RNF115: variants seen among roughly 807,000 people sequenced by gnomAD.
RNF115 encodes the protein ring finger protein 115.
RNF115 carries 31 observed loss-of-function variants against 39.2 expected under a neutral mutation model. That is an observed-to-expected ratio of 0.79 (90% CI 0.59 to 1.07). The LOEUF is 1.07. RNF115 is among the 50% of genes least tolerant of loss of function. The pLI is 0.00. For missense variants in RNF115, 384 were observed against 381.7 expected (o/e 1.01, Z -0.05); for synonymous variants, 124 against 131.0 (o/e 0.95, Z 0.37).
chr1:145,793,288 G>A (rs1012613419), intron 1 of RNF115, among the ~76,000 whole-genome samples: 32 of 152,356 alleles, frequency 2.1e-4, no homozygotes, highest in African/African-American at 7.2e-4. Flanking sequence ...CTGCACTGCA[G>A]TCTGGGTAAC....
chr1:145,797,314 G>A (rs115556741), intron 1 of RNF115, among the ~76,000 whole-genome samples: 2,938 of 152,246 alleles, frequency 0.019, 42 homozygotes, highest in Middle Eastern at 0.031. Context: ...AAAACTCATC[G>A]TCTCAGCAAC....
chr1:145,801,096 AAG>A (rs1649224171), intron 1 of RNF115, among the ~76,000 whole-genome samples: 3 of 152,106 alleles, frequency 2.0e-5, no homozygotes, highest in Non-Finnish European at 4.4e-5. Context: ...GCATGAACCC[AAG>A]AGGCAGGGCT....
intron 2 of RNF115, among the ~76,000 whole-genome samples, chr1:145,788,547 G>A (rs1648494250): frequency 6.6e-6 from 1 of 152,130 alleles, no homozygotes; most frequent in African/African-American, 2.4e-5. Context: ...CAGCAGAGTG[G>A]TCACTAAAAA....
At position 145,778,410 on chromosome 1, in the gene RNF115, T is replaced by C. The variant is rs367994366; in HGVS notation, c.219+6129A>G. On this transcript the variant is annotated intron_variant, in intron 3 of 8. Coordinates refer to ENST00000582693, the MANE Select transcript of RNF115 (RefSeq NM_014455.4). ...TGAAAAAGTTCTAAATCAGTGGTAA[T>C]AGTTGTATAACTCTGTGAATATACT... Among the ~76,000 whole-genome samples the C allele has an allele frequency of 1.2e-4, 18 of 152,284 alleles. No homozygotes were observed. In the East Asian group the frequency reaches 2.5e-3, roughly 21 times the overall value.
At chr1:145,789,700 CTT>C (rs67276251) in intron 1 of RNF115, among the ~76,000 whole-genome samples, 3 of 86,738 alleles carry the variant, frequency 3.5e-5, no homozygotes, top group African/African-American at 5.0e-5. Context: ...ACCCGGACTT[CTT>C]TTTTTTTTTT....
At chr1:145,800,816 T>G (rs1488771337) in intron 1 of RNF115, among the ~76,000 whole-genome samples, 1 of 152,170 alleles carries the variant, frequency 6.6e-6, no homozygotes, top group African/African-American at 2.4e-5. Flanking sequence ...ATTAAGCCAC[T>G]ACATTTTGGA....
At chr1:145,817,518 A>C (rs1344900753) in intron 1 of RNF115, among the ~76,000 whole-genome samples, 7 of 141,006 alleles carry the variant, frequency 5.0e-5, no homozygotes, top group African/African-American at 1.7e-4. Context: ...ATCTGATTTT[A>C]ACTGGGGTAT....
intron 6 of RNF115, among the ~76,000 whole-genome samples, chr1:145,751,185 T>C (rs1658073449): frequency 6.6e-6 from 1 of 152,186 alleles, no homozygotes; most frequent in South Asian, 2.1e-4. Context: ...TACAAAATAC[T>C]ATTTGTTATA....
At chr1:145,758,905 A>T (rs1553713543) in intron 4 of RNF115, among the ~76,000 whole-genome samples, 1 of 152,228 alleles carries the variant, frequency 6.6e-6, no homozygotes, top group African/African-American at 2.4e-5. Context: ...ATTAAAAAAA[A>T]ATCTTTTCTT....
chr1:145,794,784 G>A (rs1381867049), intron 1 of RNF115, among the ~76,000 whole-genome samples: 3 of 151,784 alleles, frequency 2.0e-5, no homozygotes, highest in African/African-American at 7.3e-5. Flanking sequence ...TTGGGAGGCC[G>A]AGGAGGGTGG....
intron 7 of RNF115, 152 bp downstream of exon 7, chr1:145,750,255 A>T: frequency 1.6e-6 from 1 of 637,588 alleles, no homozygotes; most frequent in East Asian, 2.8e-5. Flanking sequence ...GCTTCACTTA[A>T]AGGTCCTTAA....
Position 145,771,845 on chromosome 1 carries a change from T to C in RNF115, c.294A>G (p.Gln98=). 6.2e-7 allele frequency: 1 copy of C among 1,614,160 alleles called. No homozygotes were observed. The highest frequency in any genetic ancestry group is 1.1e-5 in the South Asian group (1 of 91,082). The change falls in exon 4 of 9, where the codon CAA becomes CAG. Residue 98 remains glutamine (Q), a synonymous_variant. Transcript: ENST00000582693. The stretch of plus-strand genomic sequence containing the variant: ...GACCCCTTTCATTGGCTCTATTATC[T>C]TGGTCCAGTGGACTGCTACTTAGAA... The part of the protein sequence containing the change: ...RPFLSSSPLD[Q]DNRANERGHQ...
chr1:145,750,559 G>A (rs1451496004), intron 6 of RNF115, 59 bp from the exon 7 acceptor site: 21 of 1,311,436 alleles, frequency 1.6e-5, no homozygotes, highest in Non-Finnish European at 2.2e-5. Flanking sequence ...CCCTGGAGAG[G>A]GAACTGCTCC....
intron 3 of RNF115, among the ~76,000 whole-genome samples, chr1:145,774,554 T>C (rs868975764): frequency 1.3e-5 from 2 of 152,160 alleles, no homozygotes; most frequent in Non-Finnish European, 2.9e-5. Flanking sequence ...TTTCACCATG[T>C]TGGCCAGGCT....
intron 1 of RNF115, among the ~76,000 whole-genome samples, chr1:145,814,388 C>A (rs1415514983): frequency 6.6e-6 from 1 of 152,062 alleles, no homozygotes; most frequent in African/African-American, 2.4e-5. Flanking sequence ...AGAGATCCAA[C>A]CTGGCCAACA....
At position 145,751,581 on chromosome 1, in the gene RNF115, T is replaced by C. The variant is rs1658092435; in HGVS notation, c.501-71A>G. On this transcript the variant is annotated intron_variant, in intron 5 of 8. Coordinates refer to ENST00000582693, the MANE Select transcript of RNF115 (RefSeq NM_014455.4). The stretch of plus-strand genomic sequence containing the variant: ...TCTGCCTTACACCACAGAAAAAAAT[T>C]GGCAGAGGGATCCTGTTCTCTCTCA... 6 of 1,067,480 alleles carry C rather than the reference T, an allele frequency of 5.6e-6. No homozygotes were observed. The East Asian group carries it at 1.6e-4, about 29-fold the overall frequency. 66.1% of individuals were successfully genotyped at this position (1,067,480 alleles called of 1,614,324 possible).
chr1:145,776,076 T>A (rs1267853297), intron 3 of RNF115, among the ~76,000 whole-genome samples: 2 of 109,594 alleles, frequency 1.8e-5, no homozygotes, highest in Admixed American at 9.1e-5. Flanking sequence ...CAGGCCATGG[T>A]TGACCACAGG....
intron 4 of RNF115, among the ~76,000 whole-genome samples, chr1:145,762,698 CAA>C (rs1559108447): frequency 6.6e-6 from 1 of 150,782 alleles, no homozygotes; most frequent in Admixed American, 6.6e-5. Context: ...AAAAGTTAAC[CAA>C]AAAAAGTCAG....
At chr1:145,782,258 T>G (rs1648181498) in intron 3 of RNF115, among the ~76,000 whole-genome samples, 1 of 152,260 alleles carries the variant, frequency 6.6e-6, no homozygotes, top group East Asian at 1.9e-4. Flanking sequence ...TAAGTTCCTT[T>G]CAGGCAAGGC....
Sources: allele counts gnomAD v4.1 joint callset (sites outside exome capture counted in the v4.1 genomes callset), GRCh38; gene constraint gnomAD v4.1.1; transcripts MANE v1.5; gene names NCBI Gene and HGNC (gene_info 2026-07-23, HGNC 2026-07-21).